PBX4: variants seen among roughly 807,000 people sequenced by gnomAD.
PBX4 encodes PBX homeobox 4, also known as pre-B-cell leukemia transcription factor 4.
In PBX4, 26 loss-of-function variants were observed where a neutral mutation model predicts 35.1. The observed-to-expected ratio is 0.74, with a 90% CI of 0.54 to 1.03. PBX4 has a LOEUF of 1.03. Ranked by LOEUF, PBX4 falls within the 50% of genes least tolerant of loss-of-function variation. The pLI is 0.00. For synonymous variants in PBX4, 199 were observed against 204.2 expected (o/e 0.97, Z 0.22); for missense variants, 448 against 504.3 (o/e 0.89, Z 1.07).
chr19:19,570,220 A>G lies in PBX4; in HGVS notation c.521T>C (p.Ile174Thr), dbSNP rs750109733. ...GTGAATGGCGCCGACCATGCGCTCA[A>G]TCTCCTTAGGGGAGACAGGCCTCAT... ...SRMRPVSPKE[I>T]ERMVGAIHGK... Residue 174 changes from isoleucine (I) to threonine (T), a missense_variant, in exon 4 of 8, where the codon ATT (isoleucine) becomes ACT (threonine). By Grantham distance (89) the Ile-to-Thr change is moderately conservative (BLOSUM62 -1). Coordinates refer to ENST00000251203, the MANE Select transcript of PBX4 (RefSeq NM_025245.3). 4 of 1,614,116 alleles carry G rather than the reference A, an allele frequency of 2.5e-6. No homozygotes were observed. The East Asian group carries it at 6.7e-5, about 27-fold the overall frequency.
intron 2 of PBX4, among the ~76,000 whole-genome samples, chr19:19,585,500 G>A (rs773548384): frequency 7.9e-5 from 12 of 151,812 alleles, no homozygotes; most frequent in East Asian, 3.9e-4. Context: ...GCAAATCTCC[G>A]TCATCTCTAA....
Position 19,563,784 on chromosome 19 carries a change from C to T in PBX4, c.926-169G>A. 1 of 633,738 alleles carries T rather than the reference C, an allele frequency of 1.6e-6. No homozygotes were observed. Among genetic ancestry groups the T allele is most frequent in the South Asian group, 1.7e-5 (1 of 59,398 alleles). 39.3% of individuals were successfully genotyped at this position (633,738 alleles called of 1,614,324 possible). ...GCAGGCCAGCGGGCCCTCCCCACCA[C>T]ACTACTCATGTCCCCTCATGGCTTG... On this transcript the variant is annotated intron_variant, in intron 6 of 7. Transcript: ENST00000251203. This position sits in a 1 kb window ranked among gnomAD's most constrained non-coding sequence, Gnocchi z 5.1.
At chr19:19,570,531 C>T (rs764101215) in intron 3 of PBX4, 55 bp downstream of exon 3, 292 of 1,595,298 alleles carry the variant, frequency 1.8e-4, no homozygotes, top group Non-Finnish European at 2.4e-4. Flanking sequence ...TTCCGTGTTT[C>T]GCTTTGACAA....
rs769573106 is a variant in PBX4 at position 19,564,996 on chromosome 19, C to T, written c.862G>A (p.Val288Met). 8.7e-6 allele frequency: 14 copies of T among 1,614,096 alleles called. No individual in the cohort carries two copies. In the African/African-American group the frequency reaches 1.2e-4, roughly 14 times the overall value. Residue 288 changes from valine (V) to methionine (M), a missense_variant, in exon 6 of 8, where the codon GTG (valine) becomes ATG (methionine). Physicochemically the swap from Val to Met is conservative, Grantham distance 21 (BLOSUM62 1). Transcript: ENST00000251203. ...EATIYTGKTA[V>M]DTTEVGVPGN... ...GGGACCCCAACTTCCGTGGTATCCA[C>T]AGCCGTTTTACCCGTGTAAATGGTA...
rs762219907 is a variant in PBX4, at chr19:19,561,994, C to T, written c.*31G>A. ...ACGGCTGGCGATACATGGCAGCTCA[C>T]GCAGCGCTCTTTCCTGCTTATCCCC... On this transcript the variant is annotated 3_prime_UTR_variant, in exon 8 of 8. Transcript: ENST00000251203. 14 of 1,575,850 alleles carry T rather than the reference C, an allele frequency of 8.9e-6. No homozygotes were observed. The highest frequency in any genetic ancestry group is 5.7e-5 in the South Asian group (5 of 88,450).
At chr19:19,571,578 CAG>C (rs2061383061) in intron 2 of PBX4, among the ~76,000 whole-genome samples, 1 of 152,086 alleles carries the variant, frequency 6.6e-6, no homozygotes, top group Non-Finnish European at 1.5e-5. Context: ...ACAGGGCAGT[CAG>C]AGAACCCCCA....
intron 1 of PBX4, among the ~76,000 whole-genome samples, chr19:19,605,840 ATTTT>A (rs71338333): frequency 8.9e-5 from 11 of 123,050 alleles, no homozygotes; most frequent in African/African-American, 2.4e-4. Context: ...AGGCTCTAGG[ATTTT>A]TTTTTTTTTT....
chr19:19,582,152 C>T (rs970199423), intron 2 of PBX4, among the ~76,000 whole-genome samples: 1 of 152,274 alleles, frequency 6.6e-6, no homozygotes, highest in South Asian at 2.1e-4. Context: ...TGCTGCTGCA[C>T]ACTCCTCTCA....
chr19:19,594,625 T>C (rs889637305), intron 2 of PBX4, among the ~76,000 whole-genome samples: 1 of 152,152 alleles, frequency 6.6e-6, no homozygotes, highest in Non-Finnish European at 1.5e-5. Context: ...GTGCCCAGGC[T>C]GAACACCCAC....
At chr19:19,571,335 G>A (rs1422580131) in intron 2 of PBX4, among the ~76,000 whole-genome samples, 1 of 152,162 alleles carries the variant, frequency 6.6e-6, no homozygotes, top group Non-Finnish European at 1.5e-5. Flanking sequence ...GGGTGGGGGT[G>A]CTGTTATAAA....
intron 3 of PBX4, 134 bp downstream of exon 3, chr19:19,570,452 T>C (rs574599512): frequency 5.4e-5 from 78 of 1,453,244 alleles, no homozygotes; most frequent in Non-Finnish European, 6.9e-5. Context: ...TCAGTAACAA[T>C]GGACCACCTC....
chr19:19,604,750 G>A (rs1455990848), intron 1 of PBX4, among the ~76,000 whole-genome samples: 2 of 151,810 alleles, frequency 1.3e-5, no homozygotes, highest in African/African-American at 4.8e-5. Context: ...ATAGGCGCGT[G>A]CCACCACACT....
At chr19:19,584,901 C>A (rs534539156) in intron 2 of PBX4, among the ~76,000 whole-genome samples, 9 of 152,046 alleles carry the variant, frequency 5.9e-5, no homozygotes, top group Admixed American at 5.2e-4. Flanking sequence ...GGATTACAGG[C>A]GCGAGCCACC....
At chr19:19,618,385 C>T (rs12976826) in intron 1 of PBX4, 126 bp downstream of exon 1, 51,612 of 892,730 alleles carry the variant, frequency 0.058, 2,069 homozygotes, top group East Asian at 0.2. Flanking sequence ...TCCCTTCGTC[C>T]TCGGGACCCC....
At chr19:19,564,821 A>G (rs1252175818) in intron 6 of PBX4, 112 bp downstream of exon 6, 1 of 1,324,172 alleles carries the variant, frequency 7.6e-7, no homozygotes, top group Non-Finnish European at 1.1e-6. Context: ...AGAGTTACAC[A>G]GAGTTGACCA....
intron 2 of PBX4, among the ~76,000 whole-genome samples, chr19:19,583,426 C>T (rs1366448981): frequency 4.6e-5 from 7 of 151,878 alleles, no homozygotes; most frequent in Non-Finnish European, 1.0e-4. Flanking sequence ...GCCTGGGCAA[C>T]ATAGCAAGAC....
Position 19,563,412 on chromosome 19 carries a change from G to T in PBX4, c.1032+97C>A. 1 of 977,158 alleles carries T rather than the reference G, an allele frequency of 1.0e-6. No individual in the cohort carries two copies. Among genetic ancestry groups the T allele is most frequent in the Non-Finnish European group, 1.5e-6 (1 of 667,348 alleles). The allele number at this position is 977,158 out of a possible 1,614,324, so 60.5% of individuals were successfully genotyped here. The stretch of plus-strand genomic sequence containing the variant: ...GCCTGTGTGGCTGCTGGGACCTCTG[G>T]GGAAGCTGCCCCAAGGCCGAGGGGT... On this transcript the variant is annotated intron_variant, in intron 7 of 7. Coordinates refer to ENST00000251203, the MANE Select transcript of PBX4 (RefSeq NM_025245.3). The surrounding 1 kb of genome is among the most constrained non-coding windows in gnomAD (Gnocchi z 5.1).
chr19:19,613,653 T>C (rs1376779853), intron 1 of PBX4, among the ~76,000 whole-genome samples: 1 of 151,958 alleles, frequency 6.6e-6, no homozygotes, highest in Non-Finnish European at 1.5e-5. Context: ...AAAAGTAGCT[T>C]CCAGGACACA....
intron 1 of PBX4, among the ~76,000 whole-genome samples, chr19:19,612,389 T>C (rs980455167): frequency 1.3e-5 from 2 of 151,998 alleles, no homozygotes; most frequent in African/African-American, 4.8e-5. Flanking sequence ...ACGACTGAGA[T>C]GAAAAATTCC....
Sources: gnomAD v4.1 joint callset for allele counts (sites outside exome capture counted in the v4.1 genomes callset) on GRCh38, gnomAD v4.1.1 for gene constraint, Gnocchi (gnomAD v3.1) non-coding constraint, MANE v1.5 for transcripts, NCBI Gene and HGNC (gene_info 2026-07-23, HGNC 2026-07-21) for gene names.